The following CPE variants were observed in gnomAD, a reference collection of about 807,000 sequenced individuals.
CPE encodes carboxypeptidase E, also known as carbocypeptidase E.
CPE carries 17 observed loss-of-function variants against 53.5 expected under a neutral mutation model. That is an observed-to-expected ratio of 0.32 (90% CI 0.22 to 0.48). The LOEUF is 0.48. Among genes scored for constraint, CPE ranks in the 20% least tolerant of loss-of-function variants. The pLI is 0.99. For missense variants in CPE, 524 were observed against 614.7 expected (o/e 0.85, Z 1.56); for synonymous variants, 226 against 228.8 (o/e 0.99, Z 0.11).
intron 3 of CPE, among the ~76,000 whole-genome samples, chr4:165,481,463 T>C (rs1732410608): frequency 6.6e-6 from 1 of 152,218 alleles, no homozygotes; most frequent in Non-Finnish European, 1.5e-5. Context: ...ATCTTTTCTT[T>C]TCATCAGAGA....
At chr4:165,432,387 C>T (rs10025621) in intron 1 of CPE, among the ~76,000 whole-genome samples, 44,672 of 152,000 alleles carry the variant, frequency 0.29, 6,609 homozygotes, top group East Asian at 0.37. Context: ...CCTCCACCTC[C>T]CAGGCTCAAA....
At chr4:165,432,340 G>A (rs1034205120) in intron 1 of CPE, among the ~76,000 whole-genome samples, 3 of 152,162 alleles carry the variant, frequency 2.0e-5, no homozygotes, top group African/African-American at 7.2e-5. Context: ...CTGTTGCCCA[G>A]GCTGGAGTGC....
chr4:165,469,493 C>A (rs571391319), intron 3 of CPE, among the ~76,000 whole-genome samples: 18 of 152,228 alleles, frequency 1.2e-4, no homozygotes, highest in African/African-American at 4.1e-4. Context: ...CTAAACATAC[C>A]ATTTTCTAAC....
At chr4:165,421,967 T>C (rs1306268227) in intron 1 of CPE, among the ~76,000 whole-genome samples, 2 of 152,154 alleles carry the variant, frequency 1.3e-5, no homozygotes, top group Admixed American at 6.6e-5. Context: ...GTTCTCAGAA[T>C]ACTAAAAAAA....
chr4:165,458,173 T>C (rs1191774931), intron 1 of CPE, among the ~76,000 whole-genome samples: 1 of 152,242 alleles, frequency 6.6e-6, no homozygotes, highest in East Asian at 1.9e-4. Context: ...TGTTTCCAAC[T>C]TGCTTGTATA....
At chr4:165,414,498 T>C (rs1189623227) in intron 1 of CPE, among the ~76,000 whole-genome samples, 14 of 152,208 alleles carry the variant, frequency 9.2e-5, no homozygotes, top group Non-Finnish European at 1.6e-4. Context: ...AAAAGTGTGA[T>C]GCAGTCAGGA....
At chr4:165,415,492 T>C (rs1731105172) in intron 1 of CPE, among the ~76,000 whole-genome samples, 1 of 152,218 alleles carries the variant, frequency 6.6e-6, no homozygotes, top group African/African-American at 2.4e-5. Flanking sequence ...GGACAATTAA[T>C]AATGACTAAT....
At chr4:165,416,254 G>C (rs761282943) in intron 1 of CPE, among the ~76,000 whole-genome samples, 13 of 152,200 alleles carry the variant, frequency 8.5e-5, no homozygotes, top group Non-Finnish European at 1.8e-4. Flanking sequence ...CACATGGGAG[G>C]GTCTTCACCG....
In CPE at chr4:165,467,048, T is replaced by G. The variant is rs1040377835; in HGVS notation, c.505-640T>G. Among the ~76,000 whole-genome samples the G allele has an allele frequency of 4.6e-5, 7 of 152,232 alleles. No individual in the cohort carries two copies. In the East Asian group the frequency reaches 1.2e-3, roughly 25 times the overall value. ...TGTTAAATATAAGACACAGGCTGTG[T>G]GCAGCAGCTTATATCTATAATCCCA... is the stretch of plus-strand genomic sequence containing the variant. On this transcript the variant is annotated intron_variant, in intron 2 of 8. Transcript: ENST00000402744.
At chr4:165,433,054 A>C (rs571732732) in intron 1 of CPE, among the ~76,000 whole-genome samples, 3 of 152,344 alleles carry the variant, frequency 2.0e-5, no homozygotes, top group African/African-American at 7.2e-5. Context: ...GAATCAGGTG[A>C]CACTTCATCC....
intron 1 of CPE, among the ~76,000 whole-genome samples, chr4:165,423,151 CTT>C (rs1294448521): frequency 2.0e-5 from 3 of 152,062 alleles, no homozygotes; most frequent in Non-Finnish European, 2.9e-5. Context: ...AGAGGGATGA[CTT>C]TGAGTTCTGT....
chr4:165,486,292 G>A (rs1013895899), intron 5 of CPE, among the ~76,000 whole-genome samples: 1 of 152,010 alleles, frequency 6.6e-6, no homozygotes, highest in Non-Finnish European at 1.5e-5. Flanking sequence ...CAATCTGGTG[G>A]GCACTAACAG....
intron 1 of CPE, among the ~76,000 whole-genome samples, chr4:165,389,591 T>G (rs1452526993): frequency 1.3e-5 from 2 of 152,240 alleles, no homozygotes; most frequent in African/African-American, 4.8e-5. Flanking sequence ...GTGCTGGAGT[T>G]GTCTTCCTCC....
intron 1 of CPE, among the ~76,000 whole-genome samples, chr4:165,407,893 T>C (rs1224947443): frequency 1.3e-5 from 2 of 151,188 alleles, no homozygotes; most frequent in African/African-American, 4.9e-5. Context: ...GGAGTTCCGC[T>C]GTGTCTCAAA....
intron 3 of CPE, among the ~76,000 whole-genome samples, chr4:165,472,876 C>G (rs1015596471): frequency 1.3e-5 from 2 of 152,208 alleles, no homozygotes; most frequent in African/African-American, 4.8e-5. Context: ...ACATGTTACA[C>G]TGTTAACTCT....
intron 1 of CPE, among the ~76,000 whole-genome samples, chr4:165,451,684 G>A (rs1579267654): frequency 6.6e-6 from 1 of 151,964 alleles, no homozygotes; most frequent in Admixed American, 6.6e-5. Context: ...TACAGACGGG[G>A]TTTCACCATG....
chr4:165,424,761 C>T (rs931988797), intron 1 of CPE, among the ~76,000 whole-genome samples: 7 of 152,042 alleles, frequency 4.6e-5, no homozygotes, highest in Non-Finnish European at 1.0e-4. Context: ...GTCTCGATCT[C>T]CTGACCTCGT....
At chr4:165,404,542 T>G (rs1446522134) in intron 1 of CPE, 6 of 888,096 alleles carry the variant, frequency 6.8e-6, no homozygotes, top group Non-Finnish European at 1.2e-5. Context: ...CCCCAAAGGC[T>G]TTGCCCAGAT....
chr4:165,467,593 T>G lies in CPE; in HGVS notation c.505-95T>G. The G allele has an allele frequency of 4.9e-5, 57 of 1,156,002 alleles. No individual in the cohort carries two copies. The South Asian group carries it at 9.4e-4, about 19-fold the overall frequency. The allele number at this position is 1,156,002 out of a possible 1,614,324, so 71.6% of individuals were successfully genotyped here. On this transcript the variant is annotated intron_variant, in intron 2 of 8. Transcript: ENST00000402744. ...GCATTGTTGAAGTAAATAATCTTAA[T>G]AGTTATTTTAAAGAGCATTGATAGG...
Sources: allele counts gnomAD v4.1 joint callset (sites outside exome capture counted in the v4.1 genomes callset), GRCh38; gene constraint gnomAD v4.1.1; transcripts MANE v1.5; gene names NCBI Gene and HGNC (gene_info 2026-07-23, HGNC 2026-07-21).